Variants in C12orf42 observed in about 807,000 individuals in gnomAD.
C12orf42 encodes the protein uncharacterized protein C12orf42.
C12orf42 carries 25 observed loss-of-function variants against 21.6 expected under a neutral mutation model. That is an observed-to-expected ratio of 1.16 (90% CI 0.84 to 1.62). The LOEUF is 1.62. Ranked by LOEUF, C12orf42 falls within the 40% of genes most tolerant of loss-of-function variation. The probability of loss-of-function intolerance (pLI) is 0.00; values close to 1 mark genes in which losing one functional copy is unlikely to be tolerated. For missense variants in C12orf42, 483 were observed against 459.3 expected (o/e 1.05, Z -0.47); for synonymous variants, 174 against 175.0 (o/e 0.99, Z 0.05).
intron 2 of C12orf42, among the ~76,000 whole-genome samples, chr12:103,430,240 T>C (rs1950167266): frequency 6.6e-6 from 1 of 152,144 alleles, no homozygotes; most frequent in Non-Finnish European, 1.5e-5. Context: ...ATCCAGAATC[T>C]ACAAGGAATT....
the C12orf42 span, among the ~76,000 whole-genome samples, chr12:103,537,414 T>C: frequency 1.3e-5 from 2 of 152,180 alleles, no homozygotes; most frequent in African/African-American, 2.4e-5. Context: ...TTGACTTCCA[T>C]AGAACTAAAG....
chr12:103,143,721 GA>G, the C12orf42 span, among the ~76,000 whole-genome samples: 1 of 152,188 alleles, frequency 6.6e-6, no homozygotes, highest in Non-Finnish European at 1.5e-5. Flanking sequence ...AGACTTTGAA[GA>G]ATCTATCTAA....
chr12:103,247,238 T>C (rs1158104372), intron 10 of C12orf42, among the ~76,000 whole-genome samples: 1 of 151,694 alleles, frequency 6.6e-6, no homozygotes, highest in Non-Finnish European at 1.5e-5. Context: ...TATTGGGAAA[T>C]AGAAGTGTAA....
chr12:103,118,056 T>C, the C12orf42 span, among the ~76,000 whole-genome samples: 1 of 152,214 alleles, frequency 6.6e-6, no homozygotes, highest in South Asian at 2.1e-4. Flanking sequence ...AGGAGGGGTA[T>C]GAATTTATAA....
intron 4 of C12orf42, among the ~76,000 whole-genome samples, chr12:103,359,913 T>A (rs7970479): frequency 0.48 from 73,183 of 151,020 alleles, 20,115 homozygotes; most frequent in African/African-American, 0.75. Context: ...CTTGACCTTC[T>A]CCCTGAATCC....
downstream of C12orf42, chr12:103,267,613 C>T (rs1307440394): frequency 2.0e-5 from 3 of 152,016 alleles, no homozygotes; most frequent in Non-Finnish European, 2.9e-5. Context: ...ACTTACAAAA[C>T]ACTTCATATC....
At position 103,339,313 on chromosome 12, in the gene C12orf42, G is replaced by C. The variant is rs182226198; in HGVS notation, c.259+29574C>G. ...GGTTATTTCATCACCCAGGTATTAAGCCTAGTACCCATTAGTTATTTCTCC... is the reference window on the plus strand; with the variant it reads ...GGTTATTTCATCACCCAGGTATTAACCCTAGTACCCATTAGTTATTTCTCC... On this transcript the variant is annotated intron_variant, in intron 4 of 5. Coordinates refer to ENST00000548883, the MANE Select transcript of C12orf42 (RefSeq NM_198521.5). Among the ~76,000 whole-genome samples the C allele has an allele frequency of 4.2e-3, 646 of 152,266 alleles. 2 individuals are homozygous for C. Among genetic ancestry groups the C allele is most frequent in the African/African-American group, 0.013 (540 of 41,556 alleles).
intron 4 of C12orf42, among the ~76,000 whole-genome samples, chr12:103,316,202 A>T (rs1039016163): frequency 7.0e-6 from 1 of 143,018 alleles, no homozygotes; most frequent in African/African-American, 2.8e-5. Context: ...ATATACACAC[A>T]CACTATTTTT....
chr12:103,310,391 T>C (rs1431182384), intron 4 of C12orf42, among the ~76,000 whole-genome samples: 1 of 152,230 alleles, frequency 6.6e-6, no homozygotes, highest in East Asian at 1.9e-4. Flanking sequence ...TATTTCTTTA[T>C]AGCAATGCAC....
At chr12:103,549,296 A>T in the C12orf42 span, among the ~76,000 whole-genome samples, 3 of 152,156 alleles carry the variant, frequency 2.0e-5, no homozygotes, top group Non-Finnish European at 4.4e-5. Context: ...TAGATACATT[A>T]GAAGTTTTAT....
At chr12:103,246,490 T>A (rs558425824) in intron 10 of C12orf42, among the ~76,000 whole-genome samples, 35 of 152,200 alleles carry the variant, frequency 2.3e-4, no homozygotes, top group African/African-American at 7.9e-4. Context: ...TTATGCCATA[T>A]GACTCTGTAC....
At chr12:103,549,134 T>A in the C12orf42 span, among the ~76,000 whole-genome samples, 1 of 152,242 alleles carries the variant, frequency 6.6e-6, no homozygotes, top group Non-Finnish European at 1.5e-5. Context: ...TGTGTTTTCA[T>A]TTTTTATTCT....
intron 10 of C12orf42, among the ~76,000 whole-genome samples, chr12:103,258,042 A>C (rs1316304010): frequency 6.6e-6 from 1 of 152,154 alleles, no homozygotes; most frequent in Non-Finnish European, 1.5e-5. Context: ...TCTGAAGAAA[A>C]TAGAGTAGCA....
intron 5 of C12orf42, chr12:103,273,772 G>C (rs554979721): frequency 2.2e-6 from 1 of 445,556 alleles, no homozygotes; most frequent in Non-Finnish European, 4.5e-6. Context: ...GAAAGAGAAA[G>C]AGAAGCACTT....
At chr12:103,543,534 GC>G in the C12orf42 span, among the ~76,000 whole-genome samples, 2 of 151,884 alleles carry the variant, frequency 1.3e-5, no homozygotes, top group Non-Finnish European at 2.9e-5. Context: ...GATCACTTGA[GC>G]CCAGGAGTTT....
rs1201997365 is a variant in C12orf42, at chr12:103,302,371, C to G, written c.820G>C (p.Gly274Arg). ...RLLGASGNPVGKGAVAMAPEM... is the reference protein window; with the variant it reads ...RLLGASGNPVRKGAVAMAPEM... ...GGCGCCATGGCAACCGCGCCTTTTC[C>G]GACGGGATTTCCGGACGCGCCCAGG... is the stretch of plus-strand genomic sequence containing the variant. The change falls in exon 6 of 6, where the codon GGA becomes CGA. Residue 274 changes from glycine (G) to arginine (R), a missense_variant. Gly to Arg is a moderately radical substitution (Grantham distance 125). Transcript: ENST00000548883. 6 of 1,613,820 alleles carry G rather than the reference C, an allele frequency of 3.7e-6. No homozygotes were observed. In the African/African-American group the frequency reaches 6.7e-5, roughly 18 times the overall value.
chr12:103,198,662 G>C, the C12orf42 span, among the ~76,000 whole-genome samples: 1 of 152,198 alleles, frequency 6.6e-6, no homozygotes, highest in South Asian at 2.1e-4. Context: ...GCCCCCTGCA[G>C]CTAGGATTCC....
chr12:103,119,490 G>GC, the C12orf42 span, among the ~76,000 whole-genome samples: 1 of 152,096 alleles, frequency 6.6e-6, no homozygotes. Flanking sequence ...CAGGAAATAG[G>GC]CTATGGTGGC....
downstream of C12orf42, among the ~76,000 whole-genome samples, chr12:103,298,407 A>T (rs1338537961): frequency 3.9e-5 from 6 of 152,356 alleles, no homozygotes; most frequent in African/African-American, 1.4e-4. Flanking sequence ...AGGGATGTGA[A>T]GGACCTCTTC....
Sources: allele counts gnomAD v4.1 joint callset (sites outside exome capture counted in the v4.1 genomes callset), GRCh38; gene constraint gnomAD v4.1.1; transcripts MANE v1.5; gene names NCBI Gene and HGNC (gene_info 2026-07-23, HGNC 2026-07-21).